The following TWIST1 variants were observed in gnomAD, a reference collection of about 807,000 sequenced individuals.
TWIST1 encodes twist family bHLH transcription factor 1.
A neutral mutation model predicts 12.9 loss-of-function variants in TWIST1; 8 were observed. That is an observed-to-expected ratio of 0.62 (90% confidence interval 0.37 to 1.12). The LOEUF (loss-of-function observed/expected upper bound fraction) is 1.12. Ranked by LOEUF, TWIST1 falls within the 50% of genes most tolerant of loss-of-function variation. TWIST1 has a pLI of 0.02. For missense variants in TWIST1, 268 were observed against 299.7 expected, an observed-to-expected ratio of 0.89 and a Z score of 0.78; for synonymous variants, 169 against 138.7, an observed-to-expected ratio of 1.22 and a Z score of -1.54.
downstream of TWIST1, chr7:19,113,296 C>A (rs191016266): frequency 1.6e-3 from 244 of 152,296 alleles, no homozygotes; most frequent in African/African-American, 5.7e-3. Context: ...CAATTTAATA[C>A]AATACTTTCC....
At chr7:19,114,985 T>G (rs1335864765), downstream of TWIST1, among the ~76,000 whole-genome samples, 1 of 152,226 alleles carries the variant, frequency 6.6e-6, no homozygotes, top group East Asian at 1.9e-4. Context: ...GATTTACACT[T>G]TATTTTCTAT....
downstream of TWIST1, among the ~76,000 whole-genome samples, chr7:19,114,929 A>G (rs187813644): frequency 5.2e-3 from 791 of 152,332 alleles, 4 homozygotes; most frequent in Non-Finnish European, 8.4e-3. Context: ...TTCATTCATG[A>G]GAGAAGAGTT....
Position 19,117,217 on chromosome 7 carries a change from C to T in TWIST1, c.105G>A (p.Gly35=). 7.2e-7 allele frequency: 1 copy of T among 1,398,266 alleles called. No individual in the cohort carries two copies. Among genetic ancestry groups the T allele is most frequent in the Non-Finnish European group, 9.3e-7 (1 of 1,071,144 alleles). The allele number at this position is 1,398,266 out of a possible 1,614,324, so 86.6% of individuals were successfully genotyped here. ...DRQQPPSGKR[G]GRKRRSSRRS... is the part of the protein sequence containing the mutation. ...GCCTGCTGCTGCGCCGCTTGCGTCC[C>T]CCGCGCTTGCCGCTCGGCGGCTGCT... The change falls in exon 1 of 2, where the codon GGG becomes GGA. Residue 35 remains glycine, a synonymous_variant. Coordinates refer to ENST00000242261, the MANE Select transcript of TWIST1 (RefSeq NM_000474.4).
chr7:19,114,190 C>T (rs1033145189), downstream of TWIST1: 10 of 152,166 alleles, frequency 6.6e-5, no homozygotes, highest in African/African-American at 1.9e-4. Context: ...TAATACTTCT[C>T]CAAGCTTTCA....
intron 1 of TWIST1, 41 bp downstream of exon 1, chr7:19,116,630 G>A (rs1404879838): frequency 6.8e-7 from 1 of 1,474,890 alleles, no homozygotes; most frequent in South Asian, 1.2e-5. Context: ...CCTGCCGTCT[G>A]CCACCTGAGA....
chr7:19,117,478 G>A lies in TWIST1; in HGVS notation c.-157C>T, dbSNP rs1788602802. 1.7e-6 allele frequency: 2 copies of A among 1,188,240 alleles called. No homozygotes were observed. The highest frequency in any genetic ancestry group is 2.1e-6 in the Non-Finnish European group (2 of 953,614). 73.6% of individuals were successfully genotyped at this position (1,188,240 alleles called of 1,614,324 possible). A position where few individuals can be genotyped will look rare whatever the true frequency, so the allele number is the denominator to read the frequency against. On this transcript the variant is annotated 5_prime_UTR_variant, in exon 1 of 2. Transcript: ENST00000242261. ...CGGACGGGAGGGACCTCCGCGGGGA[G>A]GGCGCGCGGGGGAGGCGGGGAGGGA...
In TWIST1 at chr7:19,115,599, A is replaced by G. The variant is rs1189776888; in HGVS notation, c.*575T>C. ...TACCATGGGTCCTCAATAAATAAATAGAATGTTGTTTTTTGTATTTTAAGT... is the reference window on the plus strand; with the variant it reads ...TACCATGGGTCCTCAATAAATAAATGGAATGTTGTTTTTTGTATTTTAAGT... On this transcript the variant is annotated 3_prime_UTR_variant, in exon 2 of 2. Transcript: ENST00000242261. 12 of 152,608 alleles carry G rather than the reference A, an allele frequency of 7.9e-5. No individual in the cohort carries two copies. The highest frequency in any genetic ancestry group is 5.9e-5 in the Non-Finnish European group (4 of 68,030). The allele number at this position is 152,608 out of a possible 1,614,324, so 9.5% of individuals were successfully genotyped here.
Position 19,117,527 on chromosome 7 carries a change from T to G in TWIST1, c.-206A>C. The G allele has an allele frequency of 8.5e-7, 1 of 1,178,056 alleles. No homozygotes were observed. Among genetic ancestry groups the G allele is most frequent in the South Asian group, 3.1e-5 (1 of 32,484 alleles). The allele number at this position is 1,178,056 out of a possible 1,614,324, so 73.0% of individuals were successfully genotyped here. On this transcript the variant is annotated 5_prime_UTR_variant, in exon 1 of 2. Coordinates refer to ENST00000242261, the MANE Select transcript of TWIST1 (RefSeq NM_000474.4). Reference sequence around the variant, plus strand: ...GAGGCGGGAGGGGGAGGGGACGGTGTGGATGGCCCCGAGGTCCAAAAAGAA... The same window carrying G: ...GAGGCGGGAGGGGGAGGGGACGGTGGGGATGGCCCCGAGGTCCAAAAAGAA...
At position 19,116,694 on chromosome 7, in the gene TWIST1, G is replaced by T; in HGVS notation, c.*19C>A. 2 of 1,588,540 alleles carry T rather than the reference G, an allele frequency of 1.3e-6. No homozygotes were observed. Among genetic ancestry groups the T allele is most frequent in the Non-Finnish European group, 8.6e-7 (1 of 1,168,576 alleles). ...ACCTAGGTCTCCGGCCCTGCTGAGG[G>T]GGTGGGGGGCTCCGCCTGCTAGTGG... On this transcript the variant is annotated 3_prime_UTR_variant, in exon 1 of 2. Coordinates refer to ENST00000242261, the MANE Select transcript of TWIST1 (RefSeq NM_000474.4).
chr7:19,117,473 G>C lies in TWIST1; in HGVS notation c.-152C>G. On this transcript the variant is annotated 5_prime_UTR_variant, in exon 1 of 2. Transcript: ENST00000242261. The stretch of plus-strand genomic sequence containing the variant: ...GAGGACGGACGGGAGGGACCTCCGC[G>C]GGGAGGGCGCGCGGGGGAGGCGGGG... 4 of 1,189,050 alleles carry C rather than the reference G, an allele frequency of 3.4e-6. No individual in the cohort carries two copies. Among genetic ancestry groups the C allele is most frequent in the Non-Finnish European group, 4.2e-6 (4 of 954,472 alleles). The allele number at this position is 1,189,050 out of a possible 1,614,324, so 73.7% of individuals were successfully genotyped here. A position where few individuals can be genotyped will look rare whatever the true frequency, so the allele number is the denominator to read the frequency against.
At chr7:19,115,331 T>A (rs1167102893), downstream of TWIST1, 1 of 152,518 alleles carries the variant, frequency 6.6e-6, no homozygotes, top group African/African-American at 2.4e-5. Flanking sequence ...TGCCTGTCAG[T>A]AGCTGCTTTA....
At position 19,115,540 on chromosome 7, in the gene TWIST1, T is replaced by C. The variant is rs918315989; in HGVS notation, c.*634A>G. 10 of 152,634 alleles carry C rather than the reference T, an allele frequency of 6.6e-5. No homozygotes were observed. Among genetic ancestry groups the C allele is most frequent in the Admixed American group, 2.0e-4 (3 of 15,286 alleles). The allele number at this position is 152,634 out of a possible 1,614,324, so 9.5% of individuals were successfully genotyped here. A position where few individuals can be genotyped will look rare whatever the true frequency, so the allele number is the denominator to read the frequency against. On this transcript the variant is annotated 3_prime_UTR_variant, in exon 2 of 2. Coordinates refer to ENST00000242261, the MANE Select transcript of TWIST1 (RefSeq NM_000474.4). Reference sequence around the variant, plus strand: ...TATTTACAAAACAATCATAAAAATATGAATGCATTTAGACACCGGATCTAT... The same window carrying C: ...TATTTACAAAACAATCATAAAAATACGAATGCATTTAGACACCGGATCTAT...
chr7:19,117,604 G>T lies in TWIST1; in HGVS notation c.-283C>A, dbSNP rs897018831. On this transcript the variant is annotated 5_prime_UTR_variant, in exon 1 of 2. Transcript: ENST00000242261. ...CGCCAGGCCTCCTGGAAACGGTGCCGGTGCTGCAGAGCCCGCGAGGTGTCT... is the reference window on the plus strand; with the variant it reads ...CGCCAGGCCTCCTGGAAACGGTGCCTGTGCTGCAGAGCCCGCGAGGTGTCT... 2.8e-6 allele frequency: 3 copies of T among 1,081,672 alleles called. No homozygotes were observed. The highest frequency in any genetic ancestry group is 3.4e-6 in the Non-Finnish European group (3 of 882,600). The allele number at this position is 1,081,672 out of a possible 1,614,324, so 67.0% of individuals were successfully genotyped here.
chr7:19,114,784 A>G (rs1436019037), downstream of TWIST1, among the ~76,000 whole-genome samples: 1 of 152,238 alleles, frequency 6.6e-6, no homozygotes, highest in Non-Finnish European at 1.5e-5. Context: ...CTGAAAGTTC[A>G]GGATCTTCAT....
At position 19,117,449 on chromosome 7, in the gene TWIST1, A is replaced by C; in HGVS notation, c.-128T>G. On this transcript the variant is annotated 5_prime_UTR_variant, in exon 1 of 2. Coordinates refer to ENST00000242261, the MANE Select transcript of TWIST1 (RefSeq NM_000474.4). ...TGCGGCCCGCGGAGGAGAGAGCAGG[A>C]GGACGGACGGGAGGGACCTCCGCGG... is the stretch of plus-strand genomic sequence containing the variant. The C allele has an allele frequency of 8.5e-7, 1 of 1,181,014 alleles. No individual in the cohort carries two copies. The highest frequency in any genetic ancestry group is 1.6e-5 in the African/African-American group (1 of 61,068). The allele number at this position is 1,181,014 out of a possible 1,614,324, so 73.2% of individuals were successfully genotyped here.
chr7:19,113,747 T>C (rs1788513860), downstream of TWIST1: 1 of 152,122 alleles, frequency 6.6e-6, no homozygotes, highest in South Asian at 2.1e-4. Flanking sequence ...CTCCAAAGTG[T>C]TTCCCCTTAT....
rs1788594877 is a variant in TWIST1, at chr7:19,117,270, T to C, written c.52A>G (p.Ser18Gly). 6.1e-6 allele frequency: 9 copies of C among 1,473,454 alleles called. No homozygotes were observed. The highest frequency in any genetic ancestry group is 2.2e-5 in the Admixed American group (1 of 44,650). 91.3% of individuals were successfully genotyped at this position (1,473,454 alleles called of 1,614,324 possible). A position where few individuals can be genotyped will look rare whatever the true frequency, so the allele number is the denominator to read the frequency against. Residue 18 changes from serine to glycine, a missense_variant, in exon 1 of 2, where the codon AGC (serine) becomes GGC (glycine). Transcript: ENST00000242261. Reference protein sequence around the residue: ...SPVSPADDSLSNSEEEPDRQQ... With the variant: ...SPVSPADDSLGNSEEEPDRQQ... ...CGGTCTGGCTCTTCCTCGCTGTTGCTCAGGCTGTCGTCGGCCGGCGAGACT... is the reference window on the plus strand; with the variant it reads ...CGGTCTGGCTCTTCCTCGCTGTTGCCCAGGCTGTCGTCGGCCGGCGAGACT...
At position 19,116,616 on chromosome 7, in the gene TWIST1, C is replaced by T. The variant is rs944506655; in HGVS notation, c.*42+55G>A. On this transcript the variant is annotated intron_variant, in intron 1 of 1. Coordinates refer to ENST00000242261, the MANE Select transcript of TWIST1 (RefSeq NM_000474.4). ...AGGTGGACTGGGAACCGCGGCCTGG[C>T]CGGCCTGCCGTCTGCCACCTGAGAG... 8.6e-6 allele frequency: 12 copies of T among 1,402,594 alleles called. No homozygotes were observed. In the South Asian group the frequency reaches 1.4e-4, roughly 17 times the overall value. The allele number at this position is 1,402,594 out of a possible 1,614,324, so 86.9% of individuals were successfully genotyped here. A position where few individuals can be genotyped will look rare whatever the true frequency, so the allele number is the denominator to read the frequency against.
chr7:19,113,932 T>C (rs1292266413), downstream of TWIST1: 2 of 152,110 alleles, frequency 1.3e-5, no homozygotes, highest in Non-Finnish European at 2.9e-5. Context: ...ATCTGAAATA[T>C]CAAATAGTCA....
Sources: allele counts gnomAD v4.1 joint callset (sites outside exome capture counted in the v4.1 genomes callset), GRCh38; gene constraint gnomAD v4.1.1; transcripts MANE v1.5; gene names NCBI Gene and HGNC (gene_info 2026-07-23, HGNC 2026-07-21).